The following NCOA2 variants were observed in gnomAD, a reference collection of about 807,000 sequenced individuals.
The protein encoded by NCOA2 is nuclear receptor coactivator 2.
NCOA2 carries 21 observed loss-of-function variants against 145.1 expected under a neutral mutation model. The observed-to-expected ratio is 0.14, with a 90% CI of 0.10 to 0.21. The LOEUF (loss-of-function observed/expected upper bound fraction) is 0.21. Ranked by LOEUF, NCOA2 falls within the 10% of genes least tolerant of loss-of-function variation. NCOA2 has a pLI of 1.00. For missense variants in NCOA2, 1,472 were observed against 1,837.6 expected (o/e 0.80, Z 3.64); for synonymous variants, 619 against 637.5 (o/e 0.97, Z 0.44).
At chr8:70,261,745 T>A (rs182144437) in intron 2 of NCOA2, among the ~76,000 whole-genome samples, 31 of 152,220 alleles carry the variant, frequency 2.0e-4, no homozygotes, top group African/African-American at 7.2e-4. Context: ...GACATTTTAC[T>A]GGGAAATGCC....
At chr8:70,428,560 G>T in the NCOA2 span, among the ~76,000 whole-genome samples, 3 of 152,172 alleles carry the variant, frequency 2.0e-5, no homozygotes, top group African/African-American at 7.2e-5. Context: ...GGAGGTCAAG[G>T]CTGCGGTGAG....
chr8:70,412,663 A>C, the NCOA2 span, among the ~76,000 whole-genome samples: 3 of 149,464 alleles, frequency 2.0e-5, no homozygotes, highest in Admixed American at 6.6e-5. Context: ...AAAAAAAAAA[A>C]AAAAAAAACT....
chr8:70,250,392 C>CAAAAAAA (rs34008376), intron 2 of NCOA2, among the ~76,000 whole-genome samples: 1 of 49,598 alleles, frequency 2.0e-5, no homozygotes, highest in African/African-American at 6.4e-5. Flanking sequence ...GACCCTGTCT[C>CAAAAAAA]AAAAAAAAAA....
At chr8:70,344,820 G>A (rs1808471685) in intron 1 of NCOA2, among the ~76,000 whole-genome samples, 1 of 152,156 alleles carries the variant, frequency 6.6e-6, no homozygotes, top group Non-Finnish European at 1.5e-5. Context: ...AAAGACAAGA[G>A]TTCTAAACTG....
rs2132321520 is a variant in NCOA2 at position 70,159,534 on chromosome 8, T to C, written c.1095A>G (p.Gln365=). 2 of 1,610,472 alleles carry C rather than the reference T, an allele frequency of 1.2e-6. No individual in the cohort carries two copies. The highest frequency in any genetic ancestry group is 2.2e-5 in the East Asian group (1 of 44,852). Reference sequence around the variant, plus strand: ...GAAGCATATGTAAAGATATTACAAGTTGAGGTTCATTAGTAGTCTGAGAAC... The same window carrying C: ...GAAGCATATGTAAAGATATTACAAGCTGAGGTTCATTAGTAGTCTGAGAAC... ...LIRSQTTNEP[Q]LVISLHMLHR... is the part of the protein sequence containing the mutation. Residue 365 remains glutamine, a synonymous_variant, in exon 10 of 23, where the codon CAA becomes CAG. Transcript: ENST00000452400.
At chr8:70,170,672 A>G (rs1168534352) in intron 5 of NCOA2, among the ~76,000 whole-genome samples, 1 of 152,212 alleles carries the variant, frequency 6.6e-6, no homozygotes. Flanking sequence ...CCGTGAAGTA[A>G]AAGTGTACAG....
chr8:70,353,130 C>T (rs942063297), intron 1 of NCOA2, among the ~76,000 whole-genome samples: 6 of 152,002 alleles, frequency 3.9e-5, no homozygotes, highest in Non-Finnish European at 7.4e-5. Context: ...AAAAAAGTAA[C>T]TACTGCAATC....
intron 15 of NCOA2, among the ~76,000 whole-genome samples, chr8:70,134,002 G>C (rs1300668854): frequency 6.6e-6 from 1 of 152,082 alleles, no homozygotes; most frequent in African/African-American, 2.4e-5. Flanking sequence ...ATTTCTAAGG[G>C]ACCCACCCAG....
At chr8:70,225,116 T>C (rs1267246143) in intron 2 of NCOA2, among the ~76,000 whole-genome samples, 1 of 152,210 alleles carries the variant, frequency 6.6e-6, no homozygotes, top group Non-Finnish European at 1.5e-5. Context: ...AGCAAGGTTC[T>C]AGTTATTGGA....
intron 2 of NCOA2, among the ~76,000 whole-genome samples, chr8:70,258,021 G>A (rs1433212281): frequency 6.6e-6 from 1 of 152,000 alleles, no homozygotes; most frequent in Non-Finnish European, 1.5e-5. Flanking sequence ...AGGCTCAAGT[G>A]ACCCTCCCAC....
intron 14 of NCOA2, 127 bp downstream of exon 14, chr8:70,141,057 C>T: frequency 4.2e-6 from 4 of 943,126 alleles, no homozygotes; most frequent in East Asian, 2.6e-5. Flanking sequence ...CAAAATCCCA[C>T]TTATGGCAGC....
At chr8:70,218,186 C>A (rs1026664625) in intron 2 of NCOA2, among the ~76,000 whole-genome samples, 22 of 145,492 alleles carry the variant, frequency 1.5e-4, no homozygotes, top group African/African-American at 5.2e-4. Flanking sequence ...GATACAATAG[C>A]GCAGTGGAGT....
At position 70,124,801 on chromosome 8, in the gene NCOA2, T is replaced by G. The variant is rs1585732851; in HGVS notation, c.3981A>C (p.Ser1327=). The G allele has an allele frequency of 3.7e-6, 6 of 1,612,982 alleles. No individual in the cohort carries two copies. In the East Asian group the frequency reaches 1.3e-4, roughly 36 times the overall value. The change falls in exon 20 of 23, where the codon TCA becomes TCC. Residue 1327 remains serine, a synonymous_variant. Transcript: ENST00000452400. ...GACTCTGTGTATGTGCCATTCGGGG[T>G]GACATAAGTGGGCTCTGGGGAGTCG... ...GATTPQSPLM[S]PRMAHTQSPM...
intron 2 of NCOA2, among the ~76,000 whole-genome samples, chr8:70,288,913 G>C (rs1464797091): frequency 6.6e-6 from 1 of 152,042 alleles, no homozygotes; most frequent in African/African-American, 2.4e-5. Flanking sequence ...CTATATTAGA[G>C]AAAAAATTTA....
intron 6 of NCOA2, among the ~76,000 whole-genome samples, 195 bp from the exon 7 acceptor site, chr8:70,166,949 TTTC>T (rs1287142720): frequency 9.9e-5 from 15 of 152,204 alleles, no homozygotes; most frequent in Admixed American, 9.8e-4. Context: ...ATCTTGGGAT[TTTC>T]TTTTTTCCAA....
At chr8:70,203,179 C>G (rs1300243536) in intron 4 of NCOA2, among the ~76,000 whole-genome samples, 1 of 149,062 alleles carries the variant, frequency 6.7e-6, no homozygotes, top group Non-Finnish European at 1.5e-5. Flanking sequence ...AGAAGAATCA[C>G]TTGAACCTGG....
intron 2 of NCOA2, among the ~76,000 whole-genome samples, chr8:70,227,430 A>T (rs1449987349): frequency 6.6e-6 from 1 of 152,202 alleles, no homozygotes; most frequent in Non-Finnish European, 1.5e-5. Context: ...TTCTAGGGTG[A>T]GTGTGTAAGA....
intron 14 of NCOA2, among the ~76,000 whole-genome samples, chr8:70,140,709 G>C (rs1810306307): frequency 7.0e-6 from 1 of 143,244 alleles, no homozygotes. Context: ...TGATTCTCCT[G>C]CCTCAGCATC....
At chr8:70,403,639 G>GC in intron 1 of NCOA2, 61 bp downstream of exon 1, 3 of 350,466 alleles carry the variant, frequency 8.6e-6, no homozygotes, top group South Asian at 1.4e-4. Context: ...GGGACGCGGC[G>GC]CCCCCCGCCT....
Sources: allele counts gnomAD v4.1 joint callset (sites outside exome capture counted in the v4.1 genomes callset), GRCh38; gene constraint gnomAD v4.1.1; transcripts MANE v1.5; gene names NCBI Gene and HGNC (gene_info 2026-07-23, HGNC 2026-07-21).